Variants in PRKCQ observed in about 807,000 individuals in gnomAD.
The protein encoded by PRKCQ is protein kinase C theta type.
A neutral mutation model predicts 91.2 loss-of-function variants in PRKCQ; 41 were observed. The observed-to-expected ratio is 0.45, with a 90% CI of 0.35 to 0.58. The LOEUF (loss-of-function observed/expected upper bound fraction) is 0.58. PRKCQ is among the 20% of genes least tolerant of loss of function. The probability of loss-of-function intolerance (pLI) is 0.00; values close to 1 mark genes in which losing one functional copy is unlikely to be tolerated. For missense variants in PRKCQ, 673 were observed against 896.5 expected, an observed-to-expected ratio of 0.75 and a Z score of 3.18; for synonymous variants, 307 against 316.9, an observed-to-expected ratio of 0.97 and a Z score of 0.33.
chr10:6,447,512 A>G (rs923103394), intron 15 of PRKCQ, among the ~76,000 whole-genome samples: 1 of 151,738 alleles, frequency 6.6e-6, no homozygotes, highest in Non-Finnish European at 1.5e-5. Context: ...CTTTGCTCCT[A>G]TTATAGGAAC....
chr10:6,479,889 T>C (rs574752), intron 11 of PRKCQ, among the ~76,000 whole-genome samples: 46,541 of 150,946 alleles, frequency 0.31, 7,556 homozygotes, highest in Middle Eastern at 0.57. Flanking sequence ...GAGGCGGAGG[T>C]TGTGGTGAAC....
rs1456896710 is a variant in PRKCQ, at chr10:6,427,428, G to A, written c.*779C>T. 6.6e-6 allele frequency: 1 copy of A among 152,274 alleles called. No homozygotes were observed. Among genetic ancestry groups the A allele is most frequent in the Non-Finnish European group, 1.5e-5 (1 of 68,054 alleles). 9.4% of individuals were successfully genotyped at this position (152,274 alleles called of 1,614,324 possible). A position where few individuals can be genotyped will look rare whatever the true frequency, so the allele number is the denominator to read the frequency against. The stretch of plus-strand genomic sequence containing the variant: ...TTCATTTCTTTTCTTGTTATAGTGT[G>A]AGAATGGCAGTGAGTGACTGTGCCA... On this transcript the variant is annotated 3_prime_UTR_variant, in exon 18 of 18. Coordinates refer to ENST00000263125, the MANE Select transcript of PRKCQ (RefSeq NM_006257.5).
intron 11 of PRKCQ, among the ~76,000 whole-genome samples, chr10:6,482,538 C>G (rs587372): frequency 0.31 from 46,566 of 152,012 alleles, 7,519 homozygotes; most frequent in Middle Eastern, 0.56. Flanking sequence ...GAAGAAACAA[C>G]CCAGACAACA....
At chr10:6,434,767 C>T (rs1564290942) in intron 16 of PRKCQ, among the ~76,000 whole-genome samples, 3 of 152,312 alleles carry the variant, frequency 2.0e-5, no homozygotes, top group East Asian at 3.9e-4. Flanking sequence ...ACAGATTGTA[C>T]CTGGAACCTG....
chr10:6,569,418 G>A (rs1840951459), intron 1 of PRKCQ, among the ~76,000 whole-genome samples: 3 of 151,954 alleles, frequency 2.0e-5, no homozygotes, highest in Non-Finnish European at 4.4e-5. Context: ...AGACTTGGAG[G>A]AACCCGATGT....
intron 1 of PRKCQ, among the ~76,000 whole-genome samples, chr10:6,570,203 G>A (rs1020216309): frequency 6.6e-6 from 1 of 152,134 alleles, no homozygotes; most frequent in Admixed American, 6.5e-5. Context: ...GAGAGTGCGG[G>A]TGATCATTTC....
At position 6,498,663 on chromosome 10, in the gene PRKCQ, C is replaced by T. The variant is rs113463797; in HGVS notation, c.380-105G>A. The T allele has an allele frequency of 1.7e-4, 187 of 1,095,658 alleles. 1 individual carries two copies. The African/African-American group carries it at 2.5e-3, about 15-fold the overall frequency. The allele number at this position is 1,095,658 out of a possible 1,614,324, so 67.9% of individuals were successfully genotyped here. ...AGATGGGCAAGGGATGGAGGAGGACCAGCTCTGAGTACCTGCTGTAACATT... is the reference window on the plus strand; with the variant it reads ...AGATGGGCAAGGGATGGAGGAGGACTAGCTCTGAGTACCTGCTGTAACATT... On this transcript the variant is annotated intron_variant, in intron 4 of 17. Coordinates refer to ENST00000263125, the MANE Select transcript of PRKCQ (RefSeq NM_006257.5).
In PRKCQ at chr10:6,497,763, C is replaced by T. The variant is rs1287437403; in HGVS notation, c.543-512G>A. 6.6e-6 allele frequency among the ~76,000 whole-genome samples: 1 copy of T among 152,180 alleles called. No individual in the cohort carries two copies. The highest frequency in any genetic ancestry group is 1.5e-5 in the Non-Finnish European group (1 of 68,034). ...AGACGAAAGCAGGCTGATGAAAACCCGCCAAGTCGATCTGGCATGTGGATA... is the reference window on the plus strand; with the variant it reads ...AGACGAAAGCAGGCTGATGAAAACCTGCCAAGTCGATCTGGCATGTGGATA... On this transcript the variant is annotated intron_variant, in intron 5 of 17. Coordinates refer to ENST00000263125, the MANE Select transcript of PRKCQ (RefSeq NM_006257.5). This position sits in a 1 kb window ranked among gnomAD's most constrained non-coding sequence, Gnocchi z 4.5.
intron 1 of PRKCQ, among the ~76,000 whole-genome samples, chr10:6,531,011 GA>G: frequency 6.6e-6 from 1 of 151,408 alleles, no homozygotes. Context: ...TATGATGTGA[GA>G]AAAGGACATC....
rs980092981 is a variant in PRKCQ at position 6,551,204 on chromosome 10, T to A, written c.-10+29007A>T. ...AGTGTGTGTTGTTCCCCTCTTTGAG[T>A]CCATGTGTTCTCATAATTTAGCTCC... On this transcript the variant is annotated intron_variant, in intron 1 of 17. Transcript: ENST00000263125. Among the ~76,000 whole-genome samples the A allele has an allele frequency of 3.9e-5, 6 of 152,166 alleles. No homozygotes were observed. The East Asian group carries it at 1.2e-3, about 29-fold the overall frequency.
intron 1 of PRKCQ, among the ~76,000 whole-genome samples, chr10:6,531,498 A>G (rs2130900233): frequency 6.6e-6 from 1 of 151,480 alleles, no homozygotes; most frequent in African/African-American, 2.4e-5. Flanking sequence ...CCCAAAACCA[A>G]TAGTGCGGAG....
chr10:6,464,497 T>A (rs1835530624), intron 12 of PRKCQ, 93 bp from the exon 13 acceptor site: 1 of 1,058,736 alleles, frequency 9.4e-7, no homozygotes, highest in African/African-American at 1.6e-5. Flanking sequence ...TCTCCCAGGC[T>A]GGAGTGCAGT....
the PRKCQ span, among the ~76,000 whole-genome samples, chr10:6,395,952 A>G: frequency 6.6e-6 from 1 of 152,142 alleles, no homozygotes; most frequent in Non-Finnish European, 1.5e-5. Flanking sequence ...GCGTTCCCTC[A>G]GTTTTCCCCA....
intron 12 of PRKCQ, among the ~76,000 whole-genome samples, chr10:6,471,591 G>GAA (rs34504591): frequency 1.3e-5 from 2 of 151,326 alleles, no homozygotes; most frequent in Admixed American, 6.6e-5. Flanking sequence ...AAAATACCAA[G>GAA]AAAAAAAAAT....
chr10:6,409,708 A>G, the PRKCQ span, among the ~76,000 whole-genome samples: 1 of 152,140 alleles, frequency 6.6e-6, no homozygotes, highest in African/African-American at 2.4e-5. Context: ...TTCCATTTAG[A>G]TTAAATGTGG....
At chr10:6,474,700 T>C (rs1339819604) in intron 12 of PRKCQ, among the ~76,000 whole-genome samples, 1 of 152,250 alleles carries the variant, frequency 6.6e-6, no homozygotes, top group Non-Finnish European at 1.5e-5. Context: ...CAAAGTTTTA[T>C]GGTTAATTAT....
At chr10:6,437,885 C>T (rs1055960105) in intron 16 of PRKCQ, among the ~76,000 whole-genome samples, 3 of 152,136 alleles carry the variant, frequency 2.0e-5, no homozygotes, top group Admixed American at 2.0e-4. Flanking sequence ...GATCTCCTGA[C>T]CTCATGACCC....
At chr10:6,467,389 CAGAGAGAGAGAGAG>C (rs1160599680) in intron 12 of PRKCQ, among the ~76,000 whole-genome samples, 4 of 27,788 alleles carry the variant, frequency 1.4e-4, no homozygotes, top group South Asian at 2.0e-3. Context: ...GAGAGACAGA[CAGAGAGAGAGAGAG>C]AGAGAGAGAG....
the PRKCQ span, among the ~76,000 whole-genome samples, chr10:6,418,523 C>G: frequency 1.5e-5 from 2 of 135,302 alleles, no homozygotes; most frequent in Non-Finnish European, 3.3e-5. Flanking sequence ...ACCTGCCCAC[C>G]ACTCCTTAAG....
Sources: allele counts gnomAD v4.1 joint callset (sites outside exome capture counted in the v4.1 genomes callset), GRCh38; gene constraint gnomAD v4.1.1; non-coding constraint Gnocchi (gnomAD v3.1); transcripts MANE v1.5; gene names NCBI Gene and HGNC (gene_info 2026-07-23, HGNC 2026-07-21).